Variants in FAM240B observed in about 807,000 individuals in gnomAD.
FAM240B encodes the protein family with sequence similarity 240 member B.
intron 2 of FAM240B, among the ~76,000 whole-genome samples, chr9:38,698,081 C>T (rs1821087105): frequency 6.6e-6 from 1 of 152,196 alleles, no homozygotes; most frequent in African/African-American, 2.4e-5. Context: ...CAATGCAGAT[C>T]ATATGACCTA....
intron 2 of FAM240B, among the ~76,000 whole-genome samples, chr9:38,695,330 G>C (rs1332886203): frequency 6.6e-6 from 1 of 152,118 alleles, no homozygotes; most frequent in Non-Finnish European, 1.5e-5. Context: ...AGACCATCCT[G>C]GCTAACACGG....
rs188309942 is a variant in FAM240B at position 38,703,331 on chromosome 9, C to A, written c.143+526G>T. 7.1e-4 allele frequency among the ~76,000 whole-genome samples: 108 copies of A among 152,344 alleles called. 1 individual carries two copies. Among genetic ancestry groups the A allele is most frequent in the Non-Finnish European group, 1.8e-4 (12 of 68,036 alleles). Reference sequence around the variant, plus strand: ...ATCTCCAGACCAACCGATCTCAAGTCTGTAGCCCTAGCCACCTCCTTGTCT... The same window carrying A: ...ATCTCCAGACCAACCGATCTCAAGTATGTAGCCCTAGCCACCTCCTTGTCT... On this transcript the variant is annotated intron_variant, in intron 2 of 2. Coordinates refer to ENST00000637493, the MANE Select transcript of FAM240B (RefSeq NM_001394922.1).
At position 38,711,659 on chromosome 9, in the gene FAM240B, CTTT is replaced by C. The variant is rs71365908; in HGVS notation, c.-3-7660_-3-7658del. 9.4e-4 allele frequency among the ~76,000 whole-genome samples: 130 copies of C among 138,902 alleles called. 2 individuals carry two copies. Among genetic ancestry groups the C allele is most frequent in the East Asian group, 5.4e-3 (26 of 4,844 alleles). The allele number at this position is 138,902 out of a possible 152,430, so 91.1% of individuals were successfully genotyped here. Reference sequence around the variant, plus strand: ...CCTCCCTCCCTCTCTCTTTCTTCTTCTTTTTTTTTTTTTTTTTGACAGCATCTC... The same window carrying C: ...CCTCCCTCCCTCTCTCTTTCTTCTTCTTTTTTTTTTTTTTGACAGCATCTC... On this transcript the variant is annotated intron_variant, in intron 1 of 2. Coordinates refer to ENST00000637493, the MANE Select transcript of FAM240B (RefSeq NM_001394922.1).
rs1450642687 is a variant in FAM240B at position 38,694,470 on chromosome 9, A to G, written c.*306T>C. The G allele has an allele frequency of 4.0e-6, 1 of 251,376 alleles. No individual in the cohort carries two copies. Among genetic ancestry groups the G allele is most frequent in the Non-Finnish European group, 7.5e-6 (1 of 133,254 alleles). 15.6% of individuals were successfully genotyped at this position (251,376 alleles called of 1,614,324 possible). A position where few individuals can be genotyped will look rare whatever the true frequency, so the allele number is the denominator to read the frequency against. On this transcript the variant is annotated 3_prime_UTR_variant, in exon 3 of 3. Transcript: ENST00000637493. Reference sequence around the variant, plus strand: ...TGAAACATTTCAAAATGACAAGGAAATGTGGAAATATACTAGGCTACATGG... The same window carrying G: ...TGAAACATTTCAAAATGACAAGGAAGTGTGGAAATATACTAGGCTACATGG...
chr9:38,718,563 A>G (rs1032199818), intron 1 of FAM240B, among the ~76,000 whole-genome samples: 3 of 152,172 alleles, frequency 2.0e-5, no homozygotes, highest in Non-Finnish European at 4.4e-5. Flanking sequence ...TTTCTAACTC[A>G]AAAAAATACC....
At chr9:38,711,659 C>T (rs987875311) in intron 1 of FAM240B, among the ~76,000 whole-genome samples, 2 of 139,028 alleles carry the variant, frequency 1.4e-5, no homozygotes, top group Admixed American at 7.1e-5. Flanking sequence ...CTTTCTTCTT[C>T]TTTTTTTTTT....
intron 2 of FAM240B, among the ~76,000 whole-genome samples, chr9:38,696,106 G>A (rs907269999): frequency 6.6e-6 from 1 of 152,128 alleles, no homozygotes; most frequent in South Asian, 2.1e-4. Context: ...TTATGGGCCC[G>A]GGAAAGAATG....
At chr9:38,707,610 AAAC>A (rs1425004564) in intron 1 of FAM240B, among the ~76,000 whole-genome samples, 3 of 129,852 alleles carry the variant, frequency 2.3e-5, no homozygotes, top group Admixed American at 7.2e-5. Context: ...CTACTAAAAA[AAAC>A]AAAAAAAAAA....
intron 2 of FAM240B, among the ~76,000 whole-genome samples, chr9:38,695,099 T>C (rs1018749031): frequency 6.6e-6 from 1 of 152,168 alleles, no homozygotes; most frequent in Non-Finnish European, 1.5e-5. Flanking sequence ...TTAGGACAAA[T>C]ACCTAATGCA....
intron 1 of FAM240B, among the ~76,000 whole-genome samples, chr9:38,718,434 G>A (rs144674225): frequency 2.0e-5 from 3 of 152,188 alleles, no homozygotes; most frequent in Non-Finnish European, 4.4e-5. Flanking sequence ...TGACATAACA[G>A]TATGGGCTGT....
At chr9:38,711,057 G>C (rs892683245) in intron 1 of FAM240B, among the ~76,000 whole-genome samples, 1 of 152,134 alleles carries the variant, frequency 6.6e-6, no homozygotes, top group African/African-American at 2.4e-5. Flanking sequence ...TAAATCTGTT[G>C]AGAGCAATGT....
chr9:38,706,026 C>T (rs993695875), intron 1 of FAM240B, among the ~76,000 whole-genome samples: 4 of 152,080 alleles, frequency 2.6e-5, no homozygotes, highest in Non-Finnish European at 4.4e-5. Context: ...AGCTGCTCTG[C>T]GGGTGGTTCT....
At chr9:38,701,281 C>T (rs775026451) in intron 2 of FAM240B, among the ~76,000 whole-genome samples, 4 of 152,038 alleles carry the variant, frequency 2.6e-5, no homozygotes, top group Admixed American at 6.6e-5. Flanking sequence ...TGCAAGTACA[C>T]GTTGGGAGAT....
At chr9:38,717,224 TGGA>T in intron 1 of FAM240B, among the ~76,000 whole-genome samples, 1 of 152,304 alleles carries the variant, frequency 6.6e-6, no homozygotes, top group East Asian at 1.9e-4. Context: ...GGGATGCTCA[TGGA>T]AATTACTGCA....
chr9:38,698,466 T>A (rs1821090544), intron 2 of FAM240B, among the ~76,000 whole-genome samples: 1 of 152,232 alleles, frequency 6.6e-6, no homozygotes, highest in South Asian at 2.1e-4. Context: ...ATGGGCATTG[T>A]GCATTTTCTT....
chr9:38,701,736 G>C (rs1260226200), intron 2 of FAM240B, among the ~76,000 whole-genome samples: 1 of 152,184 alleles, frequency 6.6e-6, no homozygotes, highest in Non-Finnish European at 1.5e-5. Flanking sequence ...AGAAGTTAGA[G>C]GAAACTGCTC....
intron 2 of FAM240B, among the ~76,000 whole-genome samples, chr9:38,701,725 T>C (rs1051230928): frequency 1.3e-5 from 2 of 152,188 alleles, no homozygotes; most frequent in African/African-American, 4.8e-5. Flanking sequence ...CTTTCAGTCA[T>C]AGAAGTTAGA....
At chr9:38,709,100 C>G (rs758088898) in intron 1 of FAM240B, among the ~76,000 whole-genome samples, 2 of 152,008 alleles carry the variant, frequency 1.3e-5, no homozygotes, top group Non-Finnish European at 2.9e-5. Context: ...TAAGGAGTGA[C>G]TGTCTTACTA....
chr9:38,718,750 TA>T (rs5897749), intron 1 of FAM240B, among the ~76,000 whole-genome samples: 51,627 of 148,426 alleles, frequency 0.35, 9,276 homozygotes, highest in East Asian at 0.55. Context: ...TTGAGATAAG[TA>T]AAAAAAAAAA....
Sources: allele counts gnomAD v4.1 joint callset (sites outside exome capture counted in the v4.1 genomes callset), GRCh38; gene constraint gnomAD v4.1.1; transcripts MANE v1.5; gene names NCBI Gene and HGNC (gene_info 2026-07-23, HGNC 2026-07-21).